Variants in KDM4C observed in about 807,000 individuals in gnomAD.
The protein encoded by KDM4C is lysine-specific demethylase 4C.
KDM4C carries 81 observed loss-of-function variants against 129.3 expected under a neutral mutation model. The ratio of observed to expected loss-of-function variants is 0.63; its 90% CI spans 0.52 to 0.75. The LOEUF (loss-of-function observed/expected upper bound fraction) is 0.75, where lower values mean the gene tolerates loss of function less well. KDM4C is among the 30% of genes least tolerant of loss of function. The pLI is 0.00. For missense variants in KDM4C, 1,457 were observed against 1,304.0 expected, an observed-to-expected ratio of 1.12 and a Z score of -1.81; for synonymous variants, 573 against 456.1, an observed-to-expected ratio of 1.26 and a Z score of -3.26.
intron 5 of KDM4C, among the ~76,000 whole-genome samples, chr9:6,866,663 A>G (rs889302124): frequency 1.3e-5 from 2 of 152,080 alleles, no homozygotes; most frequent in Non-Finnish European, 2.9e-5. Context: ...GGAAACCCAC[A>G]ATGGTGGGAA....
At chr9:6,839,312 C>T (rs1184117353) in intron 4 of KDM4C, among the ~76,000 whole-genome samples, 16 of 152,066 alleles carry the variant, frequency 1.1e-4, no homozygotes, top group African/African-American at 1.2e-4. Flanking sequence ...TCCCTGCAGC[C>T]GTGACCTCCT....
chr9:6,978,945 G>A (rs774175286), intron 8 of KDM4C: 1 of 140,256 alleles, frequency 7.1e-6, no homozygotes, highest in South Asian at 2.8e-4. Context: ...TAAGGTCAAA[G>A]GTTTTTTTTT....
intron 1 of KDM4C, chr9:6,721,189 CCA>C (rs747542119): frequency 2.2e-6 from 1 of 456,754 alleles, no homozygotes; most frequent in Non-Finnish European, 3.9e-6. Flanking sequence ...TTCTCCCACC[CCA>C]GTCTTCCCAG....
At chr9:6,757,519 A>T (rs543288685), upstream of KDM4C, 76 of 599,530 alleles carry the variant, frequency 1.3e-4, no homozygotes, top group Non-Finnish European at 1.5e-4. Context: ...GTGAAGGGAG[A>T]ACGGGAACAC....
intron 15 of KDM4C, among the ~76,000 whole-genome samples, chr9:7,036,788 ACTGTGAGGGCAGGAT>A (rs1273260403): frequency 6.6e-6 from 1 of 152,210 alleles, no homozygotes; most frequent in Admixed American, 6.6e-5. Flanking sequence ...ATATAAGTCA[ACTGTGAGGGCAGGAT>A]CTTTGTCATT....
chr9:6,731,622 G>T (rs1256924919), intron 1 of KDM4C, among the ~76,000 whole-genome samples: 1 of 152,118 alleles, frequency 6.6e-6, no homozygotes, highest in South Asian at 2.1e-4. Flanking sequence ...ATGAGCCACT[G>T]CGCCCGGCCA....
chr9:6,823,903 C>T (rs544670832), intron 4 of KDM4C, among the ~76,000 whole-genome samples: 4 of 152,286 alleles, frequency 2.6e-5, no homozygotes, highest in East Asian at 1.9e-4. Context: ...ACTTTCTCCT[C>T]GGGTTTTTCT....
At chr9:6,964,034 A>ATC (rs1830473724) in intron 8 of KDM4C, among the ~76,000 whole-genome samples, 1 of 139,658 alleles carries the variant, frequency 7.2e-6, no homozygotes, top group Admixed American at 6.9e-5. Flanking sequence ...TGATGTTAAT[A>ATC]TTTTACTATT....
intron 8 of KDM4C, among the ~76,000 whole-genome samples, chr9:6,957,572 A>G (rs1026086489): frequency 1.3e-5 from 2 of 152,088 alleles, no homozygotes; most frequent in African/African-American, 4.8e-5. Context: ...GAATACTGGT[A>G]GGTCACCACC....
At chr9:7,026,840 GT>G (rs763496400) in intron 15 of KDM4C, among the ~76,000 whole-genome samples, 43 of 151,790 alleles carry the variant, frequency 2.8e-4, no homozygotes, top group Non-Finnish European at 5.9e-4. Context: ...GAGTTCACTA[GT>G]TCCTTCTTCT....
chr9:7,070,254 C>T (rs575307594), intron 17 of KDM4C, among the ~76,000 whole-genome samples: 75 of 152,278 alleles, frequency 4.9e-4, no homozygotes, highest in Non-Finnish European at 9.4e-4. Flanking sequence ...AATAAAACTG[C>T]AGGCCCAGAT....
intron 12 of KDM4C, among the ~76,000 whole-genome samples, chr9:7,004,273 C>T (rs1821254943): frequency 6.6e-6 from 1 of 152,158 alleles, no homozygotes; most frequent in Non-Finnish European, 1.5e-5. Context: ...ACGAATCTGG[C>T]AAAAATCTGT....
intron 4 of KDM4C, among the ~76,000 whole-genome samples, chr9:6,815,962 G>A (rs34488295): frequency 0.18 from 27,944 of 152,068 alleles, 3,509 homozygotes; most frequent in Non-Finnish European, 0.28. Flanking sequence ...AATTATATAA[G>A]CATGTATCTT....
intron 1 of KDM4C, among the ~76,000 whole-genome samples, chr9:6,723,110 T>C (rs1817010627): frequency 1.3e-5 from 2 of 152,096 alleles, no homozygotes; most frequent in Non-Finnish European, 2.9e-5. Context: ...TTGTAGATGC[T>C]TGGCTGGGCG....
intron 11 of KDM4C, among the ~76,000 whole-genome samples, chr9:6,987,872 T>G (rs1258671738): frequency 1.3e-5 from 2 of 151,984 alleles, no homozygotes; most frequent in Non-Finnish European, 2.9e-5. Context: ...AATTTACAAC[T>G]TTGGCCAAAT....
intron 18 of KDM4C, among the ~76,000 whole-genome samples, chr9:7,124,589 A>T (rs1839842455): frequency 6.6e-6 from 1 of 152,200 alleles, no homozygotes; most frequent in African/African-American, 2.4e-5. Flanking sequence ...TTTAAAGGGG[A>T]TGAATGGGGG....
chr9:6,789,191 A>G (rs929238497), intron 1 of KDM4C, among the ~76,000 whole-genome samples: 3 of 149,758 alleles, frequency 2.0e-5, no homozygotes, highest in African/African-American at 2.5e-5. Context: ...AGCTGGGACT[A>G]TAGGCGCTCA....
rs545240740 is a variant in KDM4C, at chr9:6,853,255, A to G, written c.629+3555A>G. Among the ~76,000 whole-genome samples the G allele has an allele frequency of 1.4e-4, 22 of 152,238 alleles. 1 individual carries two copies. In the South Asian group the frequency reaches 3.3e-3, roughly 23 times the overall value. On this transcript the variant is annotated intron_variant, in intron 5 of 21. Coordinates refer to ENST00000381309, the MANE Select transcript of KDM4C (RefSeq NM_015061.6). ...ATAATCCCAGCACTTTGGGAGGCCA[A>G]GGTAGGCGGATCACTTGAGCCCAGG...
At chr9:7,140,646 C>T (rs567417018) in intron 19 of KDM4C, among the ~76,000 whole-genome samples, 5 of 152,192 alleles carry the variant, frequency 3.3e-5, no homozygotes, top group Non-Finnish European at 7.3e-5. Flanking sequence ...ATACCTTATC[C>T]TTCCATGATG....
Sources: gnomAD v4.1 joint callset for allele counts (sites outside exome capture counted in the v4.1 genomes callset) on GRCh38, gnomAD v4.1.1 for gene constraint, MANE v1.5 for transcripts, NCBI Gene and HGNC (gene_info 2026-07-23, HGNC 2026-07-21) for gene names.